CSE1L: variants seen among roughly 807,000 people sequenced by gnomAD.
CSE1L encodes chromosome segregation 1 like, also known as exportin-2.
A neutral mutation model predicts 120.4 loss-of-function variants in CSE1L; 24 were observed. The observed-to-expected ratio is 0.20, with a 90% CI of 0.14 to 0.28. CSE1L has a LOEUF of 0.28. Among genes scored for constraint, CSE1L ranks in the 10% least tolerant of loss-of-function variants. The pLI, the probability that CSE1L is intolerant of heterozygous loss-of-function variation, is 1.00. For missense variants in CSE1L, 830 were observed against 1,145.2 expected, an observed-to-expected ratio of 0.72 and a Z score of 3.97; for synonymous variants, 402 against 398.3, an observed-to-expected ratio of 1.01 and a Z score of -0.11.
Position 49,087,873 on chromosome 20 carries a change from T to C in CSE1L, c.1724-136T>C, listed in dbSNP as rs568866853. The C allele has an allele frequency of 2.0e-4, 113 of 572,814 alleles. 1 individual carries two copies. The South Asian group carries it at 2.5e-3, about 13-fold the overall frequency. 35.5% of individuals were successfully genotyped at this position (572,814 alleles called of 1,614,324 possible). A position where few individuals can be genotyped will look rare whatever the true frequency, so the allele number is the denominator to read the frequency against. On this transcript the variant is annotated intron_variant, in intron 16 of 24. Transcript: ENST00000262982. ...GGGAAATTTAGATTATTTTTAAATG[T>C]AGAGAGCTATCTCGGGGTTGTCTAA...
At chr20:49,073,640 C>T (rs906885203) in intron 10 of CSE1L, among the ~76,000 whole-genome samples, 23 of 152,202 alleles carry the variant, frequency 1.5e-4, no homozygotes, top group African/African-American at 4.1e-4. Flanking sequence ...CGTGCACCAC[C>T]ATGCTCAGCT....
intron 21 of CSE1L, 121 bp downstream of exon 21, chr20:49,091,143 C>A: frequency 1.4e-6 from 1 of 740,556 alleles, no homozygotes; most frequent in South Asian, 1.8e-5. Context: ...AAATACTTGG[C>A]CACGTGTGGA....
intron 24 of CSE1L, chr20:49,096,035 T>C (rs925534143): frequency 1.1e-5 from 5 of 449,740 alleles, no homozygotes; most frequent in Non-Finnish European, 2.1e-5. Flanking sequence ...TTTTATTCTC[T>C]GTATTGAGCA....
chr20:49,070,156 T>G (rs1600606204), intron 7 of CSE1L, 49 bp from the exon 8 acceptor site: 1 of 842,566 alleles, frequency 1.2e-6, no homozygotes, highest in Non-Finnish European at 1.9e-6. Flanking sequence ...ATAAAAGTGG[T>G]GTTCTTAATA....
intron 17 of CSE1L, 119 bp from the exon 18 acceptor site, chr20:49,089,128 T>C (rs750581556): frequency 2.4e-6 from 2 of 842,670 alleles, no homozygotes; most frequent in African/African-American, 1.8e-5. Flanking sequence ...TAGGGTATAA[T>C]TGGTGTTTTT....
rs771887867 is a variant in CSE1L at position 49,072,715 on chromosome 20, A to G, written c.1066+18A>G. On this transcript the variant is annotated intron_variant, in intron 10 of 24. Transcript: ENST00000262982. The stretch of plus-strand genomic sequence containing the variant: ...ATTTAGAGGTAATTATGGCAAAAGT[A>G]TATTAGTATAAATCTACTAAGTCTG... The G allele has an allele frequency of 1.8e-5, 28 of 1,592,448 alleles. No homozygotes were observed. Among genetic ancestry groups the G allele is most frequent in the Non-Finnish European group, 2.2e-5 (26 of 1,171,464 alleles).
At chr20:49,051,078 G>A (rs1430515869) in intron 1 of CSE1L, among the ~76,000 whole-genome samples, 1 of 152,196 alleles carries the variant, frequency 6.6e-6, no homozygotes, top group Non-Finnish European at 1.5e-5. Flanking sequence ...ACTATCAGTG[G>A]AGTTTACAAT....
Position 49,096,881 on chromosome 20 carries a change from G to C in CSE1L, c.*443G>C, listed in dbSNP as rs2092145547. The stretch of plus-strand genomic sequence containing the variant: ...AAGTAAAGAATTACTTGTGTTACTT[G>C]CCAAGCAGTGCACATTTCATAGTTT... On this transcript the variant is annotated 3_prime_UTR_variant, in exon 25 of 25. Transcript: ENST00000262982. 6.3e-6 allele frequency: 1 copy of C among 159,412 alleles called. No individual in the cohort carries two copies. The highest frequency in any genetic ancestry group is 1.4e-5 in the Non-Finnish European group (1 of 72,460). 9.9% of individuals were successfully genotyped at this position (159,412 alleles called of 1,614,324 possible).
At chr20:49,091,986 T>G in intron 21 of CSE1L, 60 bp from the exon 22 acceptor site, 1 of 884,788 alleles carries the variant, frequency 1.1e-6, no homozygotes, top group Admixed American at 2.3e-5. Flanking sequence ...TGCAGACTTA[T>G]CAGTTACCAG....
intron 1 of CSE1L, among the ~76,000 whole-genome samples, chr20:49,052,174 T>C (rs1364612287): frequency 2.0e-5 from 3 of 152,206 alleles, no homozygotes; most frequent in Non-Finnish European, 4.4e-5. Context: ...AACTCATGTT[T>C]TGCTGGGTGA....
At chr20:49,054,193 C>A (rs989325053) in intron 1 of CSE1L, among the ~76,000 whole-genome samples, 7 of 152,188 alleles carry the variant, frequency 4.6e-5, no homozygotes, top group African/African-American at 1.7e-4. Context: ...GTGGTGGGAT[C>A]TACTCAGTCA....
intron 7 of CSE1L, 113 bp downstream of exon 7, chr20:49,068,935 T>C: frequency 1.4e-6 from 1 of 734,250 alleles, no homozygotes; most frequent in Non-Finnish European, 2.3e-6. Flanking sequence ...AAAGAAAAGG[T>C]TTTTTCTGAC....
intron 10 of CSE1L, among the ~76,000 whole-genome samples, chr20:49,074,336 T>A (rs1485825345): frequency 8.6e-5 from 13 of 151,708 alleles, no homozygotes; most frequent in Admixed American, 5.3e-4. Context: ...CCTCCCAAAG[T>A]GCTAGGTTAC....
In CSE1L at chr20:49,068,826, A is replaced by C. The variant is rs1172169529; in HGVS notation, c.675+4A>C. The C allele has an allele frequency of 3.2e-6, 5 of 1,564,548 alleles. No homozygotes were observed. The highest frequency in any genetic ancestry group is 1.7e-5 in the Admixed American group (1 of 59,812). On this transcript the variant is annotated splice_donor_region_variant and intron_variant, in intron 7 of 24. Transcript: ENST00000262982. Reference sequence around the variant, plus strand: ...GTTCTATAGTTTAAACTTTCAGGTAAGTTCATTTGATTTCTTGCTTTTGGT... The same window carrying C: ...GTTCTATAGTTTAAACTTTCAGGTACGTTCATTTGATTTCTTGCTTTTGGT...
At position 49,053,347 on chromosome 20, in the gene CSE1L, CTTTTTTTTTTTTTTT is replaced by C. The variant is rs11419181; in HGVS notation, c.-11-5092_-11-5078del. 4.1e-4 allele frequency among the ~76,000 whole-genome samples: 26 copies of C among 63,778 alleles called. 1 individual carries two copies. The highest frequency in any genetic ancestry group is 1.9e-3 in the African/African-American group (24 of 12,944). 41.8% of individuals were successfully genotyped at this position (63,778 alleles called of 152,430 possible). A position where few individuals can be genotyped will look rare whatever the true frequency, so the allele number is the denominator to read the frequency against. ...ATTTAACTTGACCACAGCAAACTAA[CTTTTTTTTTTTTTTT>C]TTTTTTTTTTTTTGAGACTGCGTTT... On this transcript the variant is annotated intron_variant, in intron 1 of 24. Coordinates refer to ENST00000262982, the MANE Select transcript of CSE1L (RefSeq NM_001316.4).
At chr20:49,065,963 A>G (rs2091889075) in intron 3 of CSE1L, among the ~76,000 whole-genome samples, 1 of 152,184 alleles carries the variant, frequency 6.6e-6, no homozygotes, top group African/African-American at 2.4e-5. Flanking sequence ...AAATATTTGC[A>G]TTTGGGAGGC....
chr20:49,094,924 A>G lies in CSE1L; in HGVS notation c.2787A>G (p.Ala929=). 1.2e-6 allele frequency: 2 copies of G among 1,614,158 alleles called. No homozygotes were observed. The highest frequency in any genetic ancestry group is 1.7e-6 in the Non-Finnish European group (2 of 1,180,022). ...TGAATAACCCCAAAATTCACCTGGC[A>G]CAGTCACTTCACAAGTTGTCTACCG... The part of the protein sequence containing the change: ...QMVNNPKIHL[A]QSLHKLSTAC... Residue 929 remains alanine, a synonymous_variant, in exon 24 of 25, where the codon GCA becomes GCG. Coordinates refer to ENST00000262982, the MANE Select transcript of CSE1L (RefSeq NM_001316.4).
intron 2 of CSE1L, 30 bp downstream of exon 2, chr20:49,058,578 T>G (rs773582029): frequency 1.3e-6 from 2 of 1,563,500 alleles, no homozygotes; most frequent in Non-Finnish European, 1.8e-6. Context: ...TTTGGTTGAT[T>G]AATTCCTTCA....
chr20:49,083,761 ATATTAT>A (rs1207846350), intron 14 of CSE1L, among the ~76,000 whole-genome samples: 1 of 152,102 alleles, frequency 6.6e-6, no homozygotes, highest in Non-Finnish European at 1.5e-5. Flanking sequence ...CTTCTCTGTG[ATATTAT>A]TATTTTATGG....
Sources: gnomAD v4.1 joint callset for allele counts (sites outside exome capture counted in the v4.1 genomes callset) on GRCh38, gnomAD v4.1.1 for gene constraint, MANE v1.5 for transcripts, NCBI Gene and HGNC (gene_info 2026-07-23, HGNC 2026-07-21) for gene names.